The following DERA variants were observed in gnomAD, a reference collection of about 807,000 sequenced individuals.
The protein encoded by DERA is deoxyribose-phosphate aldolase.
Under a neutral mutation model 41.1 loss-of-function variants are expected in DERA, and 15 were observed. The observed-to-expected ratio is 0.37, with a 90% CI of 0.24 to 0.56. The LOEUF (loss-of-function observed/expected upper bound fraction) is 0.56. Among genes scored for constraint, DERA ranks in the 20% least tolerant of loss-of-function variants. DERA has a pLI of 0.81. For missense variants in DERA, 396 were observed against 403.4 expected, an observed-to-expected ratio of 0.98 and a Z score of 0.16; for synonymous variants, 139 against 137.4, an observed-to-expected ratio of 1.01 and a Z score of -0.08.
At position 15,936,875 on chromosome 12, in the gene DERA, CTTGT is replaced by C. The variant is rs1948368483; in HGVS notation, c.32-20060_32-20057del. On this transcript the variant is annotated intron_variant, in intron 1 of 8. Coordinates refer to ENST00000428559, the MANE Select transcript of DERA (RefSeq NM_015954.4). The surrounding 1 kb of genome is among the most constrained non-coding windows in gnomAD (Gnocchi z 4.6). ...GTTGTCTTGTCTTGTCTTGTCTTGT[CTTGT>C]CTTGTCTTGTCCTGTCCTGTCCTGT... 4.3e-5 allele frequency among the ~76,000 whole-genome samples: 6 copies of C among 140,700 alleles called. No homozygotes were observed. Among genetic ancestry groups the C allele is most frequent in the African/African-American group, 1.2e-4 (4 of 34,722 alleles). The allele number at this position is 140,700 out of a possible 152,430, so 92.3% of individuals were successfully genotyped here.
chr12:15,973,093 C>G (rs117674018), intron 5 of DERA, among the ~76,000 whole-genome samples: 16 of 152,020 alleles, frequency 1.1e-4, no homozygotes, highest in Admixed American at 2.0e-4. Flanking sequence ...CAGCTGGGAA[C>G]GACAGGCAGA....
rs530806209 is a variant in DERA, at chr12:15,936,487, A to G, written c.32-20449A>G. Among the ~76,000 whole-genome samples, 4 of 152,246 alleles carry G rather than the reference A, an allele frequency of 2.6e-5. No homozygotes were observed. The highest frequency in any genetic ancestry group is 7.2e-5 in the African/African-American group (3 of 41,534). On this transcript the variant is annotated intron_variant, in intron 1 of 8. Transcript: ENST00000428559. The surrounding 1 kb of genome is among the most constrained non-coding windows in gnomAD (Gnocchi z 4.6). Reference sequence around the variant, plus strand: ...GCCCTTGCCGCCCTCTCTTTCTTTCACTCATAGACATAAAAAGTTTGCACT... The same window carrying G: ...GCCCTTGCCGCCCTCTCTTTCTTTCGCTCATAGACATAAAAAGTTTGCACT...
chr12:15,916,599 C>G (rs987946653), intron 1 of DERA, among the ~76,000 whole-genome samples: 22 of 151,842 alleles, frequency 1.4e-4, no homozygotes, highest in African/African-American at 5.3e-4. Flanking sequence ...TACAGGCATG[C>G]GCCACCATGC....
In DERA at chr12:16,013,000, A is replaced by T. The variant is rs1213279783; in HGVS notation, c.638-19542A>T. Among the ~76,000 whole-genome samples the T allele has an allele frequency of 6.6e-6, 1 of 152,174 alleles. No individual in the cohort carries two copies. The highest frequency in any genetic ancestry group is 1.5e-5 in the Non-Finnish European group (1 of 68,036). On this transcript the variant is annotated intron_variant, in intron 6 of 8. Coordinates refer to ENST00000428559, the MANE Select transcript of DERA (RefSeq NM_015954.4). The surrounding 1 kb of genome is among the most constrained non-coding windows in gnomAD (Gnocchi z 4.1). ...CACATTTCAAGTGCTCAGTAGCTACATATGGTGTGTAACTATCATATTGGA... is the reference window on the plus strand; with the variant it reads ...CACATTTCAAGTGCTCAGTAGCTACTTATGGTGTGTAACTATCATATTGGA...
In DERA at chr12:16,017,481, G is replaced by A. The variant is rs1160571086; in HGVS notation, c.638-15061G>A. On this transcript the variant is annotated intron_variant, in intron 6 of 8. Transcript: ENST00000428559. This position sits in a 1 kb window ranked among gnomAD's most constrained non-coding sequence, Gnocchi z 5.5. The stretch of plus-strand genomic sequence containing the variant: ...GGGTAGCTAATTATCCTTGGATCAT[G>A]TAAGCATGTCTTTGTGGAATCACAG... Among the ~76,000 whole-genome samples the A allele has an allele frequency of 6.6e-6, 1 of 152,122 alleles. No homozygotes were observed.
chr12:15,979,276 G>C (rs1349166651), intron 5 of DERA, among the ~76,000 whole-genome samples: 3 of 152,234 alleles, frequency 2.0e-5, no homozygotes, highest in African/African-American at 7.2e-5. Flanking sequence ...CACAGGAAGA[G>C]CTTGGGCCCA....
intron 6 of DERA, among the ~76,000 whole-genome samples, chr12:15,997,504 C>T (rs541526292): frequency 3.0e-4 from 46 of 152,122 alleles, no homozygotes; most frequent in Middle Eastern, 3.4e-3. Flanking sequence ...GCAAGGTGTT[C>T]GGTAAAAATA....
chr12:15,998,430 G>A lies in DERA; in HGVS notation c.637+15994G>A, dbSNP rs906385774. Among the ~76,000 whole-genome samples, 5 of 152,030 alleles carry A rather than the reference G, an allele frequency of 3.3e-5. No individual in the cohort carries two copies. Among genetic ancestry groups the A allele is most frequent in the Non-Finnish European group, 5.9e-5 (4 of 68,006 alleles). Reference sequence around the variant, plus strand: ...CCTTCCGGGTTCAAGCAGTTCTCCCGCCTCAGCCTCCCGAGTAGCTGAGAT... The same window carrying A: ...CCTTCCGGGTTCAAGCAGTTCTCCCACCTCAGCCTCCCGAGTAGCTGAGAT... On this transcript the variant is annotated intron_variant, in intron 6 of 8. Transcript: ENST00000428559. This position sits in a 1 kb window ranked among gnomAD's most constrained non-coding sequence, Gnocchi z 4.8.
chr12:15,988,508 G>A lies in DERA; in HGVS notation c.637+6072G>A, dbSNP rs148973423. On this transcript the variant is annotated intron_variant, in intron 6 of 8. Coordinates refer to ENST00000428559, the MANE Select transcript of DERA (RefSeq NM_015954.4). This position sits in a 1 kb window ranked among gnomAD's most constrained non-coding sequence, Gnocchi z 6.0. ...TTGCAGGCAGGTCGTCCCTGTGAGT[G>A]TGTGAGTCTGACTGAGTCTGAGGTT... Among the ~76,000 whole-genome samples, 19 of 152,306 alleles carry A rather than the reference G, an allele frequency of 1.2e-4. No homozygotes were observed. In the East Asian group the frequency reaches 2.3e-3, roughly 19 times the overall value.
At position 15,943,877 on chromosome 12, in the gene DERA, C is replaced by A. The variant is rs184449254; in HGVS notation, c.32-13059C>A. On this transcript the variant is annotated intron_variant, in intron 1 of 8. Coordinates refer to ENST00000428559, the MANE Select transcript of DERA (RefSeq NM_015954.4). The surrounding 1 kb of genome is among the most constrained non-coding windows in gnomAD (Gnocchi z 4.5). ...ATTTCTCCTAATGCTATCCCTCCCC[C>A]CTCCCCCCACCCCACGACAGACCCT... 2.7e-5 allele frequency among the ~76,000 whole-genome samples: 3 copies of A among 113,082 alleles called. No individual in the cohort carries two copies. Among genetic ancestry groups the A allele is most frequent in the South Asian group, 7.5e-4 (2 of 2,664 alleles). The allele number at this position is 113,082 out of a possible 152,430, so 74.2% of individuals were successfully genotyped here. A position where few individuals can be genotyped will look rare whatever the true frequency, so the allele number is the denominator to read the frequency against.
At chr12:15,950,954 C>T (rs1391863456) in intron 1 of DERA, among the ~76,000 whole-genome samples, 1 of 152,230 alleles carries the variant, frequency 6.6e-6, no homozygotes, top group Non-Finnish European at 1.5e-5. Flanking sequence ...CATAGACAGA[C>T]TTGCATTTAT....
intron 1 of DERA, among the ~76,000 whole-genome samples, chr12:15,953,311 GT>G (rs1948512660): frequency 6.6e-6 from 1 of 152,138 alleles, no homozygotes; most frequent in Non-Finnish European, 1.5e-5. Context: ...CTTTTGTAGG[GT>G]TATCATTTGG....
At chr12:15,960,636 CAAAAAAAAAAAAAAA>C (rs1163104277) in intron 4 of DERA, among the ~76,000 whole-genome samples, 2 of 28,718 alleles carry the variant, frequency 7.0e-5, no homozygotes, top group South Asian at 2.0e-3. Flanking sequence ...GACTCCGTCT[CAAAAAAAAAAAAAAA>C]AAAAAAAAAA....
chr12:15,929,735 T>C lies in DERA; in HGVS notation c.31+18321T>C, dbSNP rs575010025. 2.2e-4 allele frequency among the ~76,000 whole-genome samples: 34 copies of C among 152,344 alleles called. No homozygotes were observed. The South Asian group carries it at 7.0e-3, about 32-fold the overall frequency. ...AGTGCAAAGGTACATATACAGTATG[T>C]ACATATACAGTAGCTACACAACAAA... On this transcript the variant is annotated intron_variant, in intron 1 of 8. Coordinates refer to ENST00000428559, the MANE Select transcript of DERA (RefSeq NM_015954.4).
Position 15,911,744 on chromosome 12 carries a change from C to G in DERA, c.31+330C>G. 1.7e-6 allele frequency: 1 copy of G among 600,448 alleles called. No homozygotes were observed. Among genetic ancestry groups the G allele is most frequent in the South Asian group, 1.5e-5 (1 of 65,822 alleles). The allele number at this position is 600,448 out of a possible 1,614,324, so 37.2% of individuals were successfully genotyped here. ...AAAAACAAAACCCAAAACAAACAAC[C>G]CCCAAGCAGGTAAAAACAGATAAAA... On this transcript the variant is annotated intron_variant, in intron 1 of 8. Coordinates refer to ENST00000428559, the MANE Select transcript of DERA (RefSeq NM_015954.4). This position sits in a 1 kb window ranked among gnomAD's most constrained non-coding sequence, Gnocchi z 4.5.
rs1452536224 is a variant in DERA at position 15,928,728 on chromosome 12, G to A, written c.31+17314G>A. 9.2e-5 allele frequency among the ~76,000 whole-genome samples: 14 copies of A among 152,210 alleles called. No homozygotes were observed. Among genetic ancestry groups the A allele is most frequent in the Admixed American group, 9.2e-4 (14 of 15,276 alleles). On this transcript the variant is annotated intron_variant, in intron 1 of 8. Coordinates refer to ENST00000428559, the MANE Select transcript of DERA (RefSeq NM_015954.4). This position sits in a 1 kb window ranked among gnomAD's most constrained non-coding sequence, Gnocchi z 4.6. ...ATTCGGCTCTCACTAAAGTGTGAAA[G>A]CCTATTGGTGTAAATAGCTTTTTCC...
chr12:15,921,029 A>G lies in DERA; in HGVS notation c.31+9615A>G, dbSNP rs556006262. On this transcript the variant is annotated intron_variant, in intron 1 of 8. Coordinates refer to ENST00000428559, the MANE Select transcript of DERA (RefSeq NM_015954.4). The surrounding 1 kb of genome is among the most constrained non-coding windows in gnomAD (Gnocchi z 5.3). ...TTAATTACGAGCTATTGTTTTTTTG[A>G]TAAATCTTATGTCATTTTTACCTTA... 4.3e-4 allele frequency among the ~76,000 whole-genome samples: 66 copies of G among 152,278 alleles called. No homozygotes were observed. The highest frequency in any genetic ancestry group is 1.7e-3 in the Admixed American group (26 of 15,294).
chr12:15,988,047 G>T lies in DERA; in HGVS notation c.637+5611G>T, dbSNP rs1948777052. On this transcript the variant is annotated intron_variant, in intron 6 of 8. Transcript: ENST00000428559. The surrounding 1 kb of genome is among the most constrained non-coding windows in gnomAD (Gnocchi z 6.0). ...GTACCACAAGCAGCTTCTGCTGTGG[G>T]CACCAGCATCTGGACAAGGGGAACA... 6.6e-6 allele frequency among the ~76,000 whole-genome samples: 1 copy of T among 152,100 alleles called. No individual in the cohort carries two copies. Among genetic ancestry groups the T allele is most frequent in the Non-Finnish European group, 1.5e-5 (1 of 68,020 alleles).
rs780556625 is a variant in DERA, at chr12:16,008,818, AT to A, written c.638-23721del. 3.3e-5 allele frequency among the ~76,000 whole-genome samples: 5 copies of A among 152,224 alleles called. No homozygotes were observed. Among genetic ancestry groups the A allele is most frequent in the Non-Finnish European group, 5.9e-5 (4 of 68,050 alleles). On this transcript the variant is annotated intron_variant, in intron 6 of 8. Transcript: ENST00000428559. The surrounding 1 kb of genome is among the most constrained non-coding windows in gnomAD (Gnocchi z 4.8). Reference sequence around the variant, plus strand: ...TAGGAAGAAAAGCAATGAAGGTGCCATTTCGTATTGAAGGAAATAGTTTAAC... The same window carrying A: ...TAGGAAGAAAAGCAATGAAGGTGCCATTCGTATTGAAGGAAATAGTTTAAC...
Sources: gnomAD v4.1 joint callset for allele counts (sites outside exome capture counted in the v4.1 genomes callset) on GRCh38, gnomAD v4.1.1 for gene constraint, Gnocchi (gnomAD v3.1) non-coding constraint, MANE v1.5 for transcripts, NCBI Gene and HGNC (gene_info 2026-07-23, HGNC 2026-07-21) for gene names.